The following GRIA1 variants were observed in gnomAD, a reference collection of about 807,000 sequenced individuals.
GRIA1 encodes glutamate receptor 1.
Under a neutral mutation model 99.2 loss-of-function variants are expected in GRIA1, and 31 were observed. The ratio of observed to expected loss-of-function variants is 0.31; its 90% confidence interval spans 0.23 to 0.42. The LOEUF (loss-of-function observed/expected upper bound fraction) is 0.42. Among genes scored for constraint, GRIA1 ranks in the 10% least tolerant of loss-of-function variants. The probability of loss-of-function intolerance (pLI) is 1.00; values close to 1 mark genes in which losing one functional copy is unlikely to be tolerated. For synonymous variants in GRIA1, 438 were observed against 432.4 expected (o/e 1.01, Z -0.16); for missense variants, 782 against 1,157.5 (o/e 0.68, Z 4.71).
At chr5:153,601,056 G>A in intron 2 of GRIA1, among the ~76,000 whole-genome samples, 1 of 152,176 alleles carries the variant, frequency 6.6e-6, no homozygotes, top group East Asian at 1.9e-4. Context: ...CCACTTTGCA[G>A]GGACATTGTC....
At chr5:153,493,792 C>T (rs771421578) in intron 1 of GRIA1, 136 bp from the exon 2 acceptor site, 4 of 830,894 alleles carry the variant, frequency 4.8e-6, no homozygotes, top group Non-Finnish European at 7.7e-6. Context: ...CCTATTTGAA[C>T]TCTCATCTCT....
chr5:153,684,937 A>G (rs1050411771), intron 7 of GRIA1, among the ~76,000 whole-genome samples: 4 of 152,112 alleles, frequency 2.6e-5, no homozygotes, highest in Non-Finnish European at 4.4e-5. Context: ...AAGAGGGTCA[A>G]CCTCGAAACA....
intron 2 of GRIA1, among the ~76,000 whole-genome samples, chr5:153,566,294 A>G (rs1368790935): frequency 8.0e-5 from 3 of 37,438 alleles, no homozygotes; most frequent in South Asian, 2.3e-3. Context: ...ATAGCTCTCC[A>G]ATTCCCTGCC....
intron 2 of GRIA1, among the ~76,000 whole-genome samples, chr5:153,603,643 A>C (rs1765199392): frequency 6.6e-6 from 1 of 152,334 alleles, no homozygotes; most frequent in Non-Finnish European, 1.5e-5. Flanking sequence ...GCTCTAGAAG[A>C]TCTAGGACAC....
rs1238392053 is a variant in GRIA1, at chr5:153,813,584, A to C, written c.*2359A>C. On this transcript the variant is annotated 3_prime_UTR_variant, in exon 16 of 16. Coordinates refer to ENST00000285900, the MANE Select transcript of GRIA1 (RefSeq NM_000827.4). ...TATTTTTACTACACTTTTCTTAAAA[A>C]TAGAGCATTGGGAAAACTCTGAAAG... The C allele has an allele frequency of 6.6e-6, 1 of 152,270 alleles. No individual in the cohort carries two copies. The highest frequency in any genetic ancestry group is 1.5e-5 in the Non-Finnish European group (1 of 68,048). 9.4% of individuals were successfully genotyped at this position (152,270 alleles called of 1,614,324 possible). A position where few individuals can be genotyped will look rare whatever the true frequency, so the allele number is the denominator to read the frequency against.
At chr5:153,556,119 T>C (rs1308494452) in intron 2 of GRIA1, among the ~76,000 whole-genome samples, 1 of 152,204 alleles carries the variant, frequency 6.6e-6, no homozygotes, top group African/African-American at 2.4e-5. Flanking sequence ...CTGTTCATGG[T>C]GAAATGAGTA....
At chr5:153,764,269 G>A (rs967132188) in intron 11 of GRIA1, among the ~76,000 whole-genome samples, 165 bp from the exon 12 acceptor site, 1 of 152,170 alleles carries the variant, frequency 6.6e-6, no homozygotes, top group African/African-American at 2.4e-5. Flanking sequence ...AAAATATGGA[G>A]TCTCTCTAAC....
intron 2 of GRIA1, among the ~76,000 whole-genome samples, chr5:153,569,149 C>T (rs1447421095): frequency 6.6e-6 from 1 of 152,224 alleles, no homozygotes; most frequent in East Asian, 1.9e-4. Context: ...ACAGAGGCCA[C>T]ATCTTTGTCT....
intron 4 of GRIA1, 124 bp downstream of exon 4, chr5:153,650,638 A>G: frequency 2.5e-6 from 2 of 814,294 alleles, no homozygotes; most frequent in Non-Finnish European, 3.8e-6. Context: ...TGAGACTAAA[A>G]GACCTCTATC....
intron 5 of GRIA1, among the ~76,000 whole-genome samples, chr5:153,672,946 T>A (rs866606742): frequency 1.3e-5 from 2 of 152,336 alleles, no homozygotes; most frequent in South Asian, 4.1e-4. Flanking sequence ...ATGTGACTTC[T>A]GAAAAAAGTT....
chr5:153,779,348 A>C (rs1473220506), intron 13 of GRIA1, among the ~76,000 whole-genome samples: 1 of 152,150 alleles, frequency 6.6e-6, no homozygotes, highest in Non-Finnish European at 1.5e-5. Flanking sequence ...TGTGCTAATC[A>C]AGACTCGCAT....
intron 11 of GRIA1, among the ~76,000 whole-genome samples, chr5:153,741,412 A>C (rs992623279): frequency 1.3e-5 from 2 of 152,220 alleles, no homozygotes; most frequent in Non-Finnish European, 2.9e-5. Context: ...GGGTACTTAT[A>C]CAATATAATT....
intron 8 of GRIA1, among the ~76,000 whole-genome samples, chr5:153,688,932 G>T (rs1366004158): frequency 1.3e-5 from 2 of 152,056 alleles, no homozygotes; most frequent in East Asian, 1.9e-4. Context: ...ACGTTGGCCA[G>T]ACTGGTCTCA....
At chr5:153,696,862 ATG>A (rs10694156) in intron 8 of GRIA1, among the ~76,000 whole-genome samples, 48,146 of 151,066 alleles carry the variant, frequency 0.32, 8,386 homozygotes, top group East Asian at 0.52. Flanking sequence ...TAGGGTGTGT[ATG>A]TGTGTGTGTG....
chr5:153,596,388 GT>G, intron 2 of GRIA1, among the ~76,000 whole-genome samples: 2 of 152,288 alleles, frequency 1.3e-5, no homozygotes, highest in African/African-American at 4.8e-5. Flanking sequence ...CAATTCCATT[GT>G]TTATACATTG....
intron 13 of GRIA1, among the ~76,000 whole-genome samples, chr5:153,787,769 G>A (rs190694485): frequency 1.2e-4 from 18 of 151,962 alleles, no homozygotes; most frequent in Admixed American, 3.9e-4. Flanking sequence ...TTCCAGATTC[G>A]CCTCTTCCCA....
chr5:153,490,600 G>A, upstream of GRIA1: 2 of 488,994 alleles, frequency 4.1e-6, no homozygotes, highest in Non-Finnish European at 3.7e-6. Flanking sequence ...CAGGCTGCGA[G>A]GGGAGAGGAG....
intron 13 of GRIA1, among the ~76,000 whole-genome samples, chr5:153,788,474 C>T (rs1765108332): frequency 6.6e-6 from 1 of 152,174 alleles, no homozygotes; most frequent in South Asian, 2.1e-4. Flanking sequence ...AATGCTCAAT[C>T]CTGGCCTGCA....
intron 11 of GRIA1, among the ~76,000 whole-genome samples, chr5:153,739,916 AAAAG>A (rs1761659560): frequency 6.6e-6 from 1 of 152,248 alleles, no homozygotes; most frequent in Admixed American, 6.5e-5. Flanking sequence ...TTGGAAAACA[AAAAG>A]AAAGTAAGAA....
Sources: gnomAD v4.1 joint callset for allele counts (sites outside exome capture counted in the v4.1 genomes callset) on GRCh38, gnomAD v4.1.1 for gene constraint, MANE v1.5 for transcripts, NCBI Gene and HGNC (gene_info 2026-07-23, HGNC 2026-07-21) for gene names.